Variants in MRTFA observed in about 807,000 individuals in gnomAD.
MRTFA encodes the protein myocardin related transcription factor A, also known as myocardin-related transcription factor A.
A neutral mutation model predicts 83.5 loss-of-function variants in MRTFA; 20 were observed. That is an observed-to-expected ratio of 0.24 (90% CI 0.17 to 0.35). The LOEUF is 0.35. Among genes scored for constraint, MRTFA ranks in the 10% least tolerant of loss-of-function variants. MRTFA has a pLI of 1.00. For synonymous variants in MRTFA, 659 were observed against 541.2 expected, an observed-to-expected ratio of 1.22 and a Z score of -3.02; for missense variants, 1,200 against 1,224.7, an observed-to-expected ratio of 0.98 and a Z score of 0.30.
chr22:40,573,539 A>G (rs2055827475), intron 2 of MRTFA, among the ~76,000 whole-genome samples: 1 of 152,026 alleles, frequency 6.6e-6, no homozygotes, highest in Non-Finnish European at 1.5e-5. Context: ...ACAGGCATGA[A>G]CCACCGTGCC....
rs1253805289 is a variant in MRTFA at position 40,416,582 on chromosome 22, A to T, written c.2578+404T>A. Among the ~76,000 whole-genome samples, 1 of 152,126 alleles carries T rather than the reference A, an allele frequency of 6.6e-6. No homozygotes were observed. The highest frequency in any genetic ancestry group is 1.5e-5 in the Non-Finnish European group (1 of 68,000). ...CAGATGCACACAGCTGCCCCTGCTC[A>T]CAGGAGACATCCTGGACCTTCCCCA... On this transcript the variant is annotated intron_variant, in intron 14 of 14. Transcript: ENST00000355630. This position sits in a 1 kb window ranked among gnomAD's most constrained non-coding sequence, Gnocchi z 4.2.
chr22:40,589,058 G>A (rs935200979), intron 2 of MRTFA, among the ~76,000 whole-genome samples: 5 of 152,082 alleles, frequency 3.3e-5, no homozygotes, highest in African/African-American at 4.8e-5. Context: ...ACGCAGTGCC[G>A]AAATCTTATA....
chr22:40,473,637 T>C (rs2053949648), intron 3 of MRTFA, among the ~76,000 whole-genome samples: 1 of 152,180 alleles, frequency 6.6e-6, no homozygotes, highest in Admixed American at 6.5e-5. Flanking sequence ...ACCAATACTT[T>C]TAGCTTCAAA....
In MRTFA at chr22:40,411,233, A is replaced by G. The variant is rs1268782238; in HGVS notation, c.*157T>C. On this transcript the variant is annotated 3_prime_UTR_variant, in exon 15 of 15. Coordinates refer to ENST00000355630, the MANE Select transcript of MRTFA (RefSeq NM_020831.6). Reference sequence around the variant, plus strand: ...CCTGCGTGGCACTGAACCAGGAGTAAGGGCTTCTCTGTTCTAGCCTCCCAG... The same window carrying G: ...CCTGCGTGGCACTGAACCAGGAGTAGGGGCTTCTCTGTTCTAGCCTCCCAG... The G allele has an allele frequency of 5.2e-6, 4 of 766,748 alleles. No homozygotes were observed. Among genetic ancestry groups the G allele is most frequent in the Non-Finnish European group, 8.0e-6 (4 of 501,996 alleles). 47.5% of individuals were successfully genotyped at this position (766,748 alleles called of 1,614,324 possible).
chr22:40,431,119 A>C (rs527913101), intron 6 of MRTFA, among the ~76,000 whole-genome samples: 10 of 152,348 alleles, frequency 6.6e-5, no homozygotes, highest in Admixed American at 5.9e-4. Flanking sequence ...TGTCTTAAAC[A>C]AAACAAAACA....
chr22:40,530,030 T>G (rs912484847), intron 3 of MRTFA, among the ~76,000 whole-genome samples: 1 of 152,162 alleles, frequency 6.6e-6, no homozygotes, highest in Admixed American at 6.6e-5. Flanking sequence ...AAGATCAGAT[T>G]TATGTCGTGG....
intron 3 of MRTFA, among the ~76,000 whole-genome samples, chr22:40,467,284 G>A (rs956344752): frequency 3.3e-5 from 5 of 152,272 alleles, no homozygotes; most frequent in African/African-American, 1.2e-4. Flanking sequence ...AAAGACTGAA[G>A]CAGTAAACTC....
intron 1 of MRTFA, among the ~76,000 whole-genome samples, chr22:40,599,709 G>A (rs1196991857): frequency 6.6e-6 from 1 of 151,924 alleles, no homozygotes; most frequent in Non-Finnish European, 1.5e-5. Context: ...GACCAGACTG[G>A]GCAATATGGC....
chr22:40,463,455 G>A (rs1234468043), intron 3 of MRTFA, 169 bp from the exon 4 acceptor site: 8 of 591,426 alleles, frequency 1.4e-5, no homozygotes, highest in Middle Eastern at 3.4e-4. Flanking sequence ...TGATACAGCA[G>A]AGTTTCCGTA....
rs1178837608 is a variant in MRTFA at position 40,416,488 on chromosome 22, C to CT, written c.2578+497dup. On this transcript the variant is annotated intron_variant, in intron 14 of 14. Transcript: ENST00000355630. This position sits in a 1 kb window ranked among gnomAD's most constrained non-coding sequence, Gnocchi z 4.2. The stretch of plus-strand genomic sequence containing the variant: ...TGGTGCCCAGGAGGCCACGCATGAT[C>CT]TGGCCATGAAGGCCTTCTTCCCCTT... Among the ~76,000 whole-genome samples, 1 of 152,226 alleles carries CT rather than the reference C, an allele frequency of 6.6e-6. No individual in the cohort carries two copies. Among genetic ancestry groups the CT allele is most frequent in the Non-Finnish European group, 1.5e-5 (1 of 68,040 alleles).
At chr22:40,631,397 G>A (rs2056640521) in intron 1 of MRTFA, among the ~76,000 whole-genome samples, 1 of 152,026 alleles carries the variant, frequency 6.6e-6, no homozygotes, top group Non-Finnish European at 1.5e-5. Flanking sequence ...AATCCTCACA[G>A]CAACAATATG....
In MRTFA at chr22:40,419,439, G is replaced by T. The variant is rs2052777791; in HGVS notation, c.1354-55C>A. The T allele has an allele frequency of 9.2e-6, 14 of 1,523,776 alleles. No individual in the cohort carries two copies. In the East Asian group the frequency reaches 1.6e-4, roughly 17 times the overall value. 94.4% of individuals were successfully genotyped at this position (1,523,776 alleles called of 1,614,324 possible). On this transcript the variant is annotated intron_variant, in intron 11 of 14. Transcript: ENST00000355630. Reference sequence around the variant, plus strand: ...AGGGGCAGCTGGACACAGGGCACTGGGTCCAGGCAGAAGGGCAGTCTGGGC... The same window carrying T: ...AGGGGCAGCTGGACACAGGGCACTGTGTCCAGGCAGAAGGGCAGTCTGGGC...
At chr22:40,545,988 A>G (rs2055360355) in intron 3 of MRTFA, among the ~76,000 whole-genome samples, 1 of 152,170 alleles carries the variant, frequency 6.6e-6, no homozygotes, top group Non-Finnish European at 1.5e-5. Flanking sequence ...CGGCCTCCCA[A>G]AGTGCTGGGA....
chr22:40,610,044 T>C (rs2079460815), intron 1 of MRTFA, among the ~76,000 whole-genome samples: 1 of 123,858 alleles, frequency 8.1e-6, no homozygotes, highest in African/African-American at 2.9e-5. Context: ...TTTTTTTCTC[T>C]TTTTTTTTTT....
At chr22:40,469,308 G>A (rs1182961771) in intron 3 of MRTFA, among the ~76,000 whole-genome samples, 3 of 152,078 alleles carry the variant, frequency 2.0e-5, no homozygotes, top group East Asian at 1.9e-4. Context: ...TGCCCTCCCC[G>A]CAAGTAATGA....
chr22:40,586,836 C>A, intron 2 of MRTFA: 1 of 397,406 alleles, frequency 2.5e-6, no homozygotes, highest in Non-Finnish European at 5.0e-6. Context: ...TTCTTCCCTA[C>A]CACAGGCTTC....
chr22:40,464,384 A>G (rs774167826), intron 3 of MRTFA, among the ~76,000 whole-genome samples: 8 of 151,586 alleles, frequency 5.3e-5, no homozygotes, highest in Non-Finnish European at 1.2e-4. Context: ...TTACAACTAC[A>G]AACTACACAG....
intron 3 of MRTFA, among the ~76,000 whole-genome samples, chr22:40,519,935 TAA>T (rs1307767381): frequency 6.6e-6 from 1 of 152,248 alleles, no homozygotes; most frequent in Non-Finnish European, 1.5e-5. Context: ...AATTTTATTA[TAA>T]GTTTTAAAAA....
At chr22:40,540,798 CA>C (rs2055277174) in intron 3 of MRTFA, among the ~76,000 whole-genome samples, 1 of 141,188 alleles carries the variant, frequency 7.1e-6, no homozygotes, top group Non-Finnish European at 1.5e-5. Flanking sequence ...AAAAAAAAAC[CA>C]AAAACATACA....
Sources: gnomAD v4.1 joint callset for allele counts (sites outside exome capture counted in the v4.1 genomes callset) on GRCh38, gnomAD v4.1.1 for gene constraint, Gnocchi (gnomAD v3.1) non-coding constraint, MANE v1.5 for transcripts, NCBI Gene and HGNC (gene_info 2026-07-23, HGNC 2026-07-21) for gene names.